GPM6A: variants seen among roughly 807,000 people sequenced by gnomAD.
The protein encoded by GPM6A is glycoprotein M6A.
Under a neutral mutation model 32.1 loss-of-function variants are expected in GPM6A, and 7 were observed. That is an observed-to-expected ratio of 0.22 (90% confidence interval 0.12 to 0.41). The LOEUF is 0.41. Ranked by LOEUF, GPM6A falls within the 10% of genes least tolerant of loss-of-function variation. The pLI, the probability that GPM6A is intolerant of heterozygous loss-of-function variation, is 1.00. For synonymous variants in GPM6A, 130 were observed against 123.4 expected (o/e 1.05, Z -0.35); for missense variants, 235 against 347.2 (o/e 0.68, Z 2.57).
chr4:175,942,246 G>C (rs953447349), intron 1 of GPM6A, among the ~76,000 whole-genome samples: 2 of 151,852 alleles, frequency 1.3e-5, no homozygotes, highest in African/African-American at 4.8e-5. Context: ...TTCTAAATTT[G>C]TTTCAGTTCC....
chr4:175,946,046 T>A (rs960735659), intron 1 of GPM6A, among the ~76,000 whole-genome samples: 3 of 152,168 alleles, frequency 2.0e-5, no homozygotes, highest in African/African-American at 7.2e-5. Context: ...GCTATTTGGA[T>A]GCTAGTTACA....
chr4:175,954,427 T>C (rs1739918401), intron 1 of GPM6A, among the ~76,000 whole-genome samples: 2 of 152,234 alleles, frequency 1.3e-5, no homozygotes, highest in Admixed American at 6.5e-5. Context: ...AGTTTCCTTG[T>C]CTTTCTGTGC....
At chr4:175,999,273 C>A (rs1217632682) in intron 1 of GPM6A, among the ~76,000 whole-genome samples, 1 of 152,156 alleles carries the variant, frequency 6.6e-6, no homozygotes. Context: ...TCCAATGGGG[C>A]CTGAAATTCC....
At chr4:175,983,748 A>G (rs1740884019) in intron 1 of GPM6A, among the ~76,000 whole-genome samples, 1 of 151,998 alleles carries the variant, frequency 6.6e-6, no homozygotes, top group Non-Finnish European at 1.5e-5. Context: ...GTGTTATTTT[A>G]TTTTTGTCTG....
At chr4:175,964,842 C>T (rs1381772441) in intron 1 of GPM6A, among the ~76,000 whole-genome samples, 3 of 152,076 alleles carry the variant, frequency 2.0e-5, no homozygotes, top group Non-Finnish European at 4.4e-5. Context: ...AAGAGAGGCA[C>T]TACATAATGA....
At chr4:175,871,205 A>C (rs891525821) in intron 1 of GPM6A, among the ~76,000 whole-genome samples, 1 of 152,156 alleles carries the variant, frequency 6.6e-6, no homozygotes, top group African/African-American at 2.4e-5. Context: ...GCAGTGGCTC[A>C]GGCCTGTAAT....
intron 1 of GPM6A, among the ~76,000 whole-genome samples, chr4:175,727,451 T>G (rs1199995928): frequency 6.6e-6 from 1 of 152,338 alleles, no homozygotes; most frequent in African/African-American, 2.4e-5. Context: ...CTGTATTCAT[T>G]CAATATCCTT....
intron 1 of GPM6A, among the ~76,000 whole-genome samples, chr4:175,766,296 A>G (rs1732963235): frequency 6.6e-6 from 1 of 152,214 alleles, no homozygotes; most frequent in Non-Finnish European, 1.5e-5. Context: ...TAAGTTTTAT[A>G]GATGAAGAAC....
chr4:175,959,076 G>C (rs1367068171), intron 1 of GPM6A, among the ~76,000 whole-genome samples: 2 of 152,110 alleles, frequency 1.3e-5, no homozygotes, highest in African/African-American at 2.4e-5. Context: ...GGTAGGAATA[G>C]TAGACGGAAG....
At chr4:175,972,798 G>A (rs1006968122) in intron 1 of GPM6A, among the ~76,000 whole-genome samples, 2 of 152,110 alleles carry the variant, frequency 1.3e-5, no homozygotes, top group South Asian at 4.1e-4. Context: ...ATTATGAAGG[G>A]AAAATTAGTT....
intron 6 of GPM6A, among the ~76,000 whole-genome samples, chr4:175,638,075 G>C (rs1254441097): frequency 1.3e-5 from 2 of 149,476 alleles, no homozygotes; most frequent in African/African-American, 4.9e-5. Context: ...CCAATGCTAA[G>C]TCGATTTACT....
intron 1 of GPM6A, among the ~76,000 whole-genome samples, chr4:175,716,988 A>T (rs2111105811): frequency 6.6e-6 from 1 of 152,340 alleles, no homozygotes; most frequent in South Asian, 2.1e-4. Context: ...ATTATTTCAA[A>T]GTATGACCTG....
chr4:175,788,122 A>T (rs893525042), intron 1 of GPM6A: 1 of 152,052 alleles, frequency 6.6e-6, no homozygotes, highest in African/African-American at 2.4e-5. Context: ...CCCTTTGTGG[A>T]TATTCATTAA....
chr4:175,863,924 C>A (rs1269405035), intron 1 of GPM6A, among the ~76,000 whole-genome samples: 1 of 151,992 alleles, frequency 6.6e-6, no homozygotes, highest in Non-Finnish European at 1.5e-5. Context: ...TCCCTTGAGT[C>A]CAGGAATTCT....
At chr4:175,762,100 A>G (rs112911578) in intron 1 of GPM6A, among the ~76,000 whole-genome samples, 14 of 152,298 alleles carry the variant, frequency 9.2e-5, no homozygotes, top group African/African-American at 3.4e-4. Context: ...GGCCATAATA[A>G]GCTTTCAATG....
intron 1 of GPM6A, among the ~76,000 whole-genome samples, chr4:175,878,254 A>T (rs1737149859): frequency 6.6e-6 from 1 of 152,146 alleles, no homozygotes. Flanking sequence ...TCTGGAGGAT[A>T]GTGGCCCTCT....
chr4:175,790,430 T>A (rs1733967217), intron 1 of GPM6A: 1 of 152,190 alleles, frequency 6.6e-6, no homozygotes, highest in Non-Finnish European at 1.5e-5. Context: ...AAGATCACCA[T>A]CAGTTTTTAA....
chr4:175,696,357 C>G (rs1308753207), intron 2 of GPM6A, among the ~76,000 whole-genome samples: 3 of 152,090 alleles, frequency 2.0e-5, no homozygotes, highest in African/African-American at 7.2e-5. Context: ...GAGTTTGACT[C>G]CAAAATCTTA....
intron 3 of GPM6A, among the ~76,000 whole-genome samples, chr4:175,672,914 C>T (rs1008280023): frequency 3.3e-5 from 5 of 152,178 alleles, no homozygotes; most frequent in African/African-American, 1.2e-4. Flanking sequence ...CATTTTTGAA[C>T]ATTTCTGTGA....
Sources: allele counts gnomAD v4.1 joint callset (sites outside exome capture counted in the v4.1 genomes callset), GRCh38; gene constraint gnomAD v4.1.1; transcripts MANE v1.5; gene names NCBI Gene and HGNC (gene_info 2026-07-23, HGNC 2026-07-21).